Variants in POLR3A observed in about 807,000 individuals in gnomAD.
The protein encoded by POLR3A is DNA-directed RNA polymerase III subunit RPC1.
Under a neutral mutation model 152.8 loss-of-function variants are expected in POLR3A, and 112 were observed. The ratio of observed to expected loss-of-function variants is 0.73; its 90% CI spans 0.63 to 0.86. The LOEUF is 0.86. Among genes scored for constraint, POLR3A ranks in the 40% least tolerant of loss-of-function variants. The probability of loss-of-function intolerance (pLI) is 0.00; values close to 1 mark genes in which losing one functional copy is unlikely to be tolerated. For missense variants in POLR3A, 1,385 were observed against 1,743.1 expected (o/e 0.79, Z 3.66); for synonymous variants, 615 against 652.1 (o/e 0.94, Z 0.87).
At chr10:77,979,111 C>A (rs901420362) in intron 30 of POLR3A, among the ~76,000 whole-genome samples, 1 of 152,232 alleles carries the variant, frequency 6.6e-6, no homozygotes, top group Non-Finnish European at 1.5e-5. Flanking sequence ...CCCGCTCTCA[C>A]CCTTCTTTAT....
chr10:78,025,242 G>T, intron 3 of POLR3A, 100 bp from the exon 4 acceptor site: 3 of 1,249,952 alleles, frequency 2.4e-6, no homozygotes, highest in Non-Finnish European at 3.5e-6. Context: ...TTAACCACGT[G>T]ACCATATACA....
At chr10:77,979,575 G>A (rs1045811388) in intron 30 of POLR3A, among the ~76,000 whole-genome samples, 3 of 152,232 alleles carry the variant, frequency 2.0e-5, no homozygotes, top group Non-Finnish European at 2.9e-5. Context: ...GCGGGGATGA[G>A]GCATGGTGCA....
intron 21 of POLR3A, among the ~76,000 whole-genome samples, chr10:77,986,591 A>T (rs766065814): frequency 2.6e-5 from 4 of 152,212 alleles, no homozygotes; most frequent in Non-Finnish European, 5.9e-5. Flanking sequence ...CAGTTTAAAT[A>T]CTACCAACTA....
chr10:77,994,473 G>A (rs1368108189), intron 19 of POLR3A, among the ~76,000 whole-genome samples: 3 of 148,434 alleles, frequency 2.0e-5, no homozygotes, highest in African/African-American at 7.5e-5. Flanking sequence ...TTTATCTGGT[G>A]TTTTAAGTAG....
intron 10 of POLR3A, among the ~76,000 whole-genome samples, chr10:78,016,748 A>G (rs1019615018): frequency 6.6e-6 from 1 of 151,172 alleles, no homozygotes; most frequent in Non-Finnish European, 1.5e-5. Flanking sequence ...ATCATGGCAC[A>G]TGCCTGTAGT....
At chr10:77,992,585 G>A (rs920181278) in intron 20 of POLR3A, among the ~76,000 whole-genome samples, 26 of 151,888 alleles carry the variant, frequency 1.7e-4, no homozygotes, top group African/African-American at 6.3e-4. Context: ...TGGGATTATA[G>A]GCACGTACCA....
chr10:77,981,303 T>C, intron 29 of POLR3A, 125 bp downstream of exon 29: 2 of 977,500 alleles, frequency 2.0e-6, no homozygotes, highest in Non-Finnish European at 1.6e-6. Context: ...GTTCACATCT[T>C]ATTTTCTCTC....
chr10:78,022,242 C>A lies in POLR3A; in HGVS notation c.788G>T (p.Arg263Ile). 2 of 1,614,218 alleles carry A rather than the reference C, an allele frequency of 1.2e-6. No homozygotes were observed. Among genetic ancestry groups the A allele is most frequent in the Non-Finnish European group, 1.7e-6 (2 of 1,180,030 alleles). The change falls in exon 6 of 31, where the codon AGA becomes ATA. Residue 263 changes from arginine (R) to isoleucine (I), a missense_variant. Arg to Ile is a moderately conservative substitution (Grantham distance 97). Around this residue, in one of 7 missense-constraint regions of POLR3A, gnomAD observed 493 missense variants for 647.5 expected, o/e 0.76. Coordinates refer to ENST00000372371, the MANE Select transcript of POLR3A (RefSeq NM_007055.4). ...TRLLVPPLCI[R>I]PSVVSDLKSG... The stretch of plus-strand genomic sequence containing the variant: ...CTTCAAATCACTCACAACGGAGGGT[C>A]TGATACACAAAGGAGGCACCAAAAG...
intron 1 of POLR3A, among the ~76,000 whole-genome samples, chr10:78,026,474 C>T (rs1847635893): frequency 6.6e-6 from 1 of 152,202 alleles, no homozygotes; most frequent in African/African-American, 2.4e-5. Flanking sequence ...AGACAACCTG[C>T]CTGCTGCTGA....
chr10:77,984,178 T>C lies in POLR3A; in HGVS notation c.3336+27A>G, dbSNP rs745719647. 23 of 1,471,510 alleles carry C rather than the reference T, an allele frequency of 1.6e-5. No homozygotes were observed. The Admixed American group carries it at 3.8e-4, about 25-fold the overall frequency. 91.2% of individuals were successfully genotyped at this position (1,471,510 alleles called of 1,614,324 possible). ...TTGCAACATTGCTGAGCTAGTTTTCTTGTTATCAATAGGGATTTCTTCTTA... is the reference window on the plus strand; with the variant it reads ...TTGCAACATTGCTGAGCTAGTTTTCCTGTTATCAATAGGGATTTCTTCTTA... On this transcript the variant is annotated intron_variant, in intron 25 of 30. Coordinates refer to ENST00000372371, the MANE Select transcript of POLR3A (RefSeq NM_007055.4).
rs1044268123 is a variant in POLR3A, at chr10:77,977,539, T to C, written c.4112A>G (p.Asn1371Ser). The C allele has an allele frequency of 2.5e-6, 4 of 1,613,884 alleles. No individual in the cohort carries two copies. The highest frequency in any genetic ancestry group is 3.4e-6 in the Non-Finnish European group (4 of 1,179,938). Reference protein sequence around the residue: ...KLLHKADRDPNPPKRPLIFDT... With the variant: ...KLLHKADRDPSPPKRPLIFDT... Reference sequence around the variant, plus strand: ...GAAGATCAGGGGCCTCTTGGGAGGGTTCGGGTCCCTGTCAGCCTTGTGAAG... The same window carrying C: ...GAAGATCAGGGGCCTCTTGGGAGGGCTCGGGTCCCTGTCAGCCTTGTGAAG... The change falls in exon 31 of 31, where the codon AAC becomes AGC. Residue 1371 changes from asparagine to serine, a missense_variant. Physicochemically the swap from Asn to Ser is conservative, Grantham distance 46. This residue lies in a region of POLR3A where 332 missense variants were observed against 400.1 expected (regional missense o/e 0.83). Transcript: ENST00000372371.
At chr10:78,019,430 G>A in intron 8 of POLR3A, 165 bp from the exon 9 acceptor site, 1 of 628,904 alleles carries the variant, frequency 1.6e-6, no homozygotes, top group South Asian at 1.8e-5. Context: ...GTGAACAACA[G>A]ACTGGCAAAC....
intron 17 of POLR3A, 91 bp from the exon 18 acceptor site, chr10:78,001,185 C>A: frequency 1.4e-6 from 1 of 711,996 alleles, no homozygotes; most frequent in East Asian, 2.8e-5. Context: ...CAGGAATAGG[C>A]CCTTATGCTC....
intron 16 of POLR3A, among the ~76,000 whole-genome samples, chr10:78,003,734 C>A (rs1474005447): frequency 2.6e-5 from 4 of 151,926 alleles, no homozygotes; most frequent in Admixed American, 2.6e-4. Context: ...ACCAGGCTGG[C>A]CAACATGGCA....
rs574680015 is a variant in POLR3A, at chr10:77,994,964, C to T, written c.2617-1597G>A. On this transcript the variant is annotated intron_variant, in intron 19 of 30. Coordinates refer to ENST00000372371, the MANE Select transcript of POLR3A (RefSeq NM_007055.4). ...CCCATCAGACTAACAGCGGATCTCT[C>T]GGCAGAAACTCTACAAGCCAGAAGA... Among the ~76,000 whole-genome samples the T allele has an allele frequency of 3.0e-4, 45 of 152,240 alleles. No homozygotes were observed. The South Asian group carries it at 6.0e-3, about 20-fold the overall frequency.
At chr10:78,027,859 T>C (rs1019008966) in intron 1 of POLR3A, among the ~76,000 whole-genome samples, 1 of 152,180 alleles carries the variant, frequency 6.6e-6, no homozygotes, top group African/African-American at 2.4e-5. Context: ...TCCTGGCCTC[T>C]GCTAGAGGAT....
intron 15 of POLR3A, among the ~76,000 whole-genome samples, chr10:78,006,985 C>T (rs989349703): frequency 3.3e-5 from 5 of 152,056 alleles, no homozygotes; most frequent in Non-Finnish European, 7.4e-5. Flanking sequence ...TGGCACATGC[C>T]TGTAGTCCCA....
In POLR3A at chr10:77,982,219, G is replaced by A. The variant is rs762525545; in HGVS notation, c.3694C>T (p.Leu1232=). The change falls in exon 28 of 31, where the codon CTG becomes TTG. Residue 1232 remains leucine, a synonymous_variant. Coordinates refer to ENST00000372371, the MANE Select transcript of POLR3A (RefSeq NM_007055.4). ...KYKLLVEGDN[L]RAVMATHGVK... is the part of the protein sequence containing the mutation. The stretch of plus-strand genomic sequence containing the variant: ...CCGTGTGTGGCCATGACTGCCCGCA[G>A]GTTATCACCTTCCACCAGAAGCTTG... 3 of 1,613,952 alleles carry A rather than the reference G, an allele frequency of 1.9e-6. No individual in the cohort carries two copies. The highest frequency in any genetic ancestry group is 2.5e-6 in the Non-Finnish European group (3 of 1,180,028).
intron 3 of POLR3A, 44 bp downstream of exon 3, chr10:78,025,578 C>G (rs1025665962): frequency 6.2e-7 from 1 of 1,608,392 alleles, no homozygotes; most frequent in Non-Finnish European, 8.5e-7. Context: ...CCTGACCAAT[C>G]ACTCCAGAAT....
Sources: gnomAD v4.1 joint callset for allele counts (sites outside exome capture counted in the v4.1 genomes callset) on GRCh38, gnomAD v4.1.1 for gene constraint, gnomAD v4.1.1 regional missense constraint, MANE v1.5 for transcripts, NCBI Gene and HGNC (gene_info 2026-07-23, HGNC 2026-07-21) for gene names.